Variants in ARMC6 observed in about 807,000 individuals in gnomAD.
ARMC6 encodes armadillo repeat-containing protein 6.
Under a neutral mutation model 49.2 loss-of-function variants are expected in ARMC6, and 43 were observed. The ratio of observed to expected loss-of-function variants is 0.87; its 90% CI spans 0.69 to 1.13. The LOEUF is 1.13. ARMC6 is among the 50% of genes most tolerant of loss of function. ARMC6 has a pLI of 0.00. For missense variants in ARMC6, 627 were observed against 682.0 expected (o/e 0.92, Z 0.90); for synonymous variants, 262 against 289.6 (o/e 0.90, Z 0.97).
chr19:19,041,829 C>G (rs2059413682), intron 2 of ARMC6, among the ~76,000 whole-genome samples: 1 of 152,204 alleles, frequency 6.6e-6, no homozygotes, highest in Non-Finnish European at 1.5e-5. Flanking sequence ...AATCTACCCT[C>G]TTAGCAAATT....
At chr19:19,051,369 CTCTCTCTGTGTGTGTG>C (rs1366470002) in intron 4 of ARMC6, among the ~76,000 whole-genome samples, 122 of 129,402 alleles carry the variant, frequency 9.4e-4, no homozygotes, top group African/African-American at 4.0e-3. Flanking sequence ...ATCTCTCTCT[CTCTCTCTGTGTGTGTG>C]TGTGTGTGTG....
Position 19,055,616 on chromosome 19 carries a change from G to T in ARMC6, c.1156-175G>T, listed in dbSNP as rs1380548472. 6.6e-6 allele frequency among the ~76,000 whole-genome samples: 1 copy of T among 152,184 alleles called. No homozygotes were observed. Among genetic ancestry groups the T allele is most frequent in the Non-Finnish European group, 1.5e-5 (1 of 68,026 alleles). The stretch of plus-strand genomic sequence containing the variant: ...AGATCTGACCAGGCCTATTGCCCTT[G>T]TCACCCCTAAGAGCTGAGCTGATAT... On this transcript the variant is annotated intron_variant, in intron 7 of 8. Transcript: ENST00000535612. This position sits in a 1 kb window ranked among gnomAD's most constrained non-coding sequence, Gnocchi z 5.7.
chr19:19,054,774 C>T (rs2059529536), intron 6 of ARMC6, among the ~76,000 whole-genome samples: 1 of 152,198 alleles, frequency 6.6e-6, no homozygotes, highest in Admixed American at 6.5e-5. Flanking sequence ...TCCTGCGCCC[C>T]CAAGCCCAGC....
intron 4 of ARMC6, among the ~76,000 whole-genome samples, chr19:19,044,476 C>T (rs956759513): frequency 6.6e-6 from 1 of 152,232 alleles, no homozygotes; most frequent in Non-Finnish European, 1.5e-5. Context: ...CCAGCCAGTC[C>T]GTTAGCACTG....
chr19:19,048,132 G>A (rs781144959), intron 4 of ARMC6, among the ~76,000 whole-genome samples: 7 of 152,148 alleles, frequency 4.6e-5, no homozygotes, highest in Non-Finnish European at 1.0e-4. Flanking sequence ...GATCACCTGA[G>A]GTCAGGTGTT....
chr19:19,034,396 G>T (rs1003935415), intron 2 of ARMC6, among the ~76,000 whole-genome samples, 158 bp downstream of exon 2: 1 of 152,160 alleles, frequency 6.6e-6, no homozygotes, highest in African/African-American at 2.4e-5. Flanking sequence ...TGCGGATAAG[G>T]AGGCTGGGTT....
chr19:19,055,806 T>A lies in ARMC6; in HGVS notation c.1171T>A (p.Cys391Ser). Residue 391 changes from cysteine (C) to serine (S), a missense_variant, in exon 8 of 9, where the codon TGC (cysteine) becomes AGC (serine). By Grantham distance (112) the Cys-to-Ser change is moderately radical (BLOSUM62 -1). Coordinates refer to ENST00000535612, the MANE Select transcript of ARMC6 (RefSeq NM_001199196.2). The surrounding 1 kb of genome is among the most constrained non-coding windows in gnomAD (Gnocchi z 5.7). ...LTSPQVCEQSCAALCFLALRK... is the reference protein window; with the variant it reads ...LTSPQVCEQSSAALCFLALRK... ...GCCCCTGCAGGTGTGTGAGCAGAGCTGCGCGGCCCTGTGCTTCCTGGCCCT... is the reference window on the plus strand; with the variant it reads ...GCCCCTGCAGGTGTGTGAGCAGAGCAGCGCGGCCCTGTGCTTCCTGGCCCT... 6.3e-7 allele frequency: 1 copy of A among 1,588,842 alleles called. No homozygotes were observed. The highest frequency in any genetic ancestry group is 1.3e-5 in the African/African-American group (1 of 74,714).
intron 2 of ARMC6, 68 bp downstream of exon 2, chr19:19,034,306 G>T: frequency 5.8e-6 from 9 of 1,553,474 alleles, no homozygotes; most frequent in Non-Finnish European, 7.8e-6. Flanking sequence ...TCTAGAAGTG[G>T]TTTTGAAGGC....
At chr19:19,044,160 G>A in intron 4 of ARMC6, 86 bp downstream of exon 4, 1 of 1,334,918 alleles carries the variant, frequency 7.5e-7, no homozygotes. Context: ...GCAGAATACA[G>A]GCTCTGAAGG....
chr19:19,042,665 G>A (rs372450428), intron 2 of ARMC6, 46 bp from the exon 3 acceptor site: 23 of 1,603,958 alleles, frequency 1.4e-5, no homozygotes, highest in African/African-American at 2.7e-5. Flanking sequence ...CCCTGCCATT[G>A]CCTGCTCACC....
chr19:19,038,411 T>C (rs1194457556), intron 2 of ARMC6, among the ~76,000 whole-genome samples: 4 of 152,128 alleles, frequency 2.6e-5, no homozygotes, highest in Admixed American at 1.3e-4. Context: ...TGAAACAGAA[T>C]TGCAAAGGGA....
intron 2 of ARMC6, chr19:19,037,850 G>T: frequency 3.1e-6 from 1 of 324,762 alleles, no homozygotes; most frequent in Non-Finnish European, 5.1e-6. Context: ...TTCTGGTTAA[G>T]ATCATCTACA....
In ARMC6 at chr19:19,055,350, C is replaced by T. The variant is rs749464824; in HGVS notation, c.1109C>T (p.Thr370Met). Residue 370 changes from threonine (T) to methionine (M), a missense_variant, in exon 7 of 9, where the codon ACG becomes ATG. Coordinates refer to ENST00000535612, the MANE Select transcript of ARMC6 (RefSeq NM_001199196.2). The surrounding 1 kb of genome is among the most constrained non-coding windows in gnomAD (Gnocchi z 5.7). ...VKDAIVRAGG[T>M]ESIVAAMTQH... ...GATGCTATTGTCCGTGCTGGTGGGACGGAGTCCATCGTGGCTGCTATGACC... is the reference window on the plus strand; with the variant it reads ...GATGCTATTGTCCGTGCTGGTGGGATGGAGTCCATCGTGGCTGCTATGACC... 8.7e-6 allele frequency: 14 copies of T among 1,612,968 alleles called. No homozygotes were observed. Among genetic ancestry groups the T allele is most frequent in the South Asian group, 5.5e-5 (5 of 90,986 alleles).
intron 4 of ARMC6, among the ~76,000 whole-genome samples, chr19:19,047,579 GCC>G (rs1182007333): frequency 2.0e-5 from 3 of 152,156 alleles, no homozygotes; most frequent in African/African-American, 7.2e-5. Flanking sequence ...AATGGGTAAA[GCC>G]CCCCTCCATG....
rs1257464655 is a variant in ARMC6 at position 19,034,117 on chromosome 19, A to G, written c.-79-14A>G. On this transcript the variant is annotated splice_polypyrimidine_tract_variant and intron_variant, in intron 1 of 8. Coordinates refer to ENST00000535612, the MANE Select transcript of ARMC6 (RefSeq NM_001199196.2). Reference sequence around the variant, plus strand: ...CATTCGCTTTATTTTCATTCATTTTATTTATTCATTCAGCACCTGTGCACT... The same window carrying G: ...CATTCGCTTTATTTTCATTCATTTTGTTTATTCATTCAGCACCTGTGCACT... 1.2e-6 allele frequency: 1 copy of G among 803,688 alleles called. No homozygotes were observed. The highest frequency in any genetic ancestry group is 1.7e-5 in the African/African-American group (1 of 57,698). The allele number at this position is 803,688 out of a possible 1,614,324, so 49.8% of individuals were successfully genotyped here.
intron 4 of ARMC6, among the ~76,000 whole-genome samples, chr19:19,050,037 T>G (rs1374408724): frequency 2.0e-5 from 3 of 152,032 alleles, no homozygotes; most frequent in Non-Finnish European, 2.9e-5. Context: ...AAAAAAATTT[T>G]TTTTAAATAA....
At chr19:19,039,290 A>T (rs1320017446) in intron 2 of ARMC6, 2 of 427,214 alleles carry the variant, frequency 4.7e-6, no homozygotes, top group Admixed American at 5.0e-5. Context: ...AAATGCCACC[A>T]CACCTGACTA....
At chr19:19,053,844 CTT>C (rs36029259) in intron 5 of ARMC6, among the ~76,000 whole-genome samples, 196 of 146,436 alleles carry the variant, frequency 1.3e-3, no homozygotes, top group Admixed American at 2.3e-3. Flanking sequence ...CTTCAGATGT[CTT>C]TTTTTTTTTT....
Position 19,055,598 on chromosome 19 carries a change from ACCAGGCCTATT to A in ARMC6, c.1156-192_1156-182del, listed in dbSNP as rs2059537304. 1.3e-5 allele frequency among the ~76,000 whole-genome samples: 2 copies of A among 152,276 alleles called. No homozygotes were observed. The highest frequency in any genetic ancestry group is 4.1e-4 in the South Asian group (2 of 4,834). On this transcript the variant is annotated intron_variant, in intron 7 of 8. Coordinates refer to ENST00000535612, the MANE Select transcript of ARMC6 (RefSeq NM_001199196.2). This position sits in a 1 kb window ranked among gnomAD's most constrained non-coding sequence, Gnocchi z 5.7. ...ACCACCAGCACCCTGCAAAGATCTGACCAGGCCTATTGCCCTTGTCACCCCTAAGAGCTGAG... is the reference window on the plus strand; with the variant it reads ...ACCACCAGCACCCTGCAAAGATCTGAGCCCTTGTCACCCCTAAGAGCTGAG...
Sources: allele counts gnomAD v4.1 joint callset (sites outside exome capture counted in the v4.1 genomes callset), GRCh38; gene constraint gnomAD v4.1.1; non-coding constraint Gnocchi (gnomAD v3.1); transcripts MANE v1.5; gene names NCBI Gene and HGNC (gene_info 2026-07-23, HGNC 2026-07-21).